Variants in SPOCK1 observed in about 807,000 individuals in gnomAD.
SPOCK1 encodes the protein testican-1.
Under a neutral mutation model 55.3 loss-of-function variants are expected in SPOCK1, and 23 were observed. The observed-to-expected ratio is 0.42, with a 90% CI of 0.30 to 0.59. The LOEUF (loss-of-function observed/expected upper bound fraction) is 0.59, where lower values mean the gene tolerates loss of function less well. Ranked by LOEUF, SPOCK1 falls within the 20% of genes least tolerant of loss-of-function variation. SPOCK1 has a pLI of 0.22. For synonymous variants in SPOCK1, 226 were observed against 221.0 expected, an observed-to-expected ratio of 1.02 and a Z score of -0.20; for missense variants, 499 against 552.5, an observed-to-expected ratio of 0.90 and a Z score of 0.97.
intron 3 of SPOCK1, among the ~76,000 whole-genome samples, chr5:137,185,645 G>A (rs1009025640): frequency 1.3e-5 from 2 of 152,136 alleles, no homozygotes; most frequent in Non-Finnish European, 2.9e-5. Context: ...ATCTTCAGAA[G>A]GAATGCAGAG....
At chr5:137,429,233 C>T (rs914254959) in intron 2 of SPOCK1, among the ~76,000 whole-genome samples, 23 of 152,148 alleles carry the variant, frequency 1.5e-4, no homozygotes, top group African/African-American at 5.1e-4. Flanking sequence ...TGGAAATAGA[C>T]GTGACTCTGC....
intron 2 of SPOCK1, among the ~76,000 whole-genome samples, chr5:137,375,213 T>C (rs1477209036): frequency 6.6e-6 from 1 of 152,202 alleles, no homozygotes; most frequent in East Asian, 1.9e-4. Flanking sequence ...AGATAAACTG[T>C]AGTAATAAAC....
At chr5:137,459,917 A>G (rs1257656902) in intron 2 of SPOCK1, among the ~76,000 whole-genome samples, 3 of 152,146 alleles carry the variant, frequency 2.0e-5, no homozygotes, top group African/African-American at 7.2e-5. Flanking sequence ...AGGATAATGG[A>G]AAAGGTATGC....
chr5:137,324,436 C>T (rs1353582679), intron 2 of SPOCK1, among the ~76,000 whole-genome samples: 1 of 151,998 alleles, frequency 6.6e-6, no homozygotes, highest in Non-Finnish European at 1.5e-5. Context: ...CAGAAGGAGA[C>T]TCCATCTCAA....
intron 5 of SPOCK1, among the ~76,000 whole-genome samples, chr5:137,087,174 CT>C (rs1437804674): frequency 6.6e-6 from 1 of 152,112 alleles, no homozygotes; most frequent in East Asian, 1.9e-4. Context: ...GTCTTTTTTT[CT>C]TTCCCTCCCA....
At chr5:137,331,550 C>T (rs572833787) in intron 2 of SPOCK1, among the ~76,000 whole-genome samples, 6 of 152,282 alleles carry the variant, frequency 3.9e-5, no homozygotes, top group South Asian at 4.1e-4. Flanking sequence ...AGCATGGTGC[C>T]GGCGTCTGCT....
At chr5:137,466,495 G>T (rs188318356) in intron 2 of SPOCK1, among the ~76,000 whole-genome samples, 1 of 152,282 alleles carries the variant, frequency 6.6e-6, no homozygotes, top group East Asian at 1.9e-4. Context: ...TGAGGACAGA[G>T]CCCAAAGCAA....
intron 4 of SPOCK1, among the ~76,000 whole-genome samples, chr5:137,135,739 C>T (rs74646857): frequency 0.014 from 2,083 of 152,274 alleles, 14 homozygotes; most frequent in Middle Eastern, 0.027. Flanking sequence ...ATAGTATCTC[C>T]CCCTTTTTGT....
intron 2 of SPOCK1, among the ~76,000 whole-genome samples, chr5:137,315,802 T>G (rs1295558712): frequency 1.3e-5 from 2 of 152,320 alleles, no homozygotes; most frequent in Admixed American, 1.3e-4. Flanking sequence ...TATCCGTCCC[T>G]CTCTGCTTCT....
At chr5:137,338,057 T>C (rs1750323306) in intron 2 of SPOCK1, among the ~76,000 whole-genome samples, 1 of 152,188 alleles carries the variant, frequency 6.6e-6, no homozygotes, top group African/African-American at 2.4e-5. Context: ...AGTTTTAGGG[T>C]ACATGTGCAC....
At chr5:137,121,839 T>C (rs1228185336) in intron 4 of SPOCK1, among the ~76,000 whole-genome samples, 1 of 146,688 alleles carries the variant, frequency 6.8e-6, no homozygotes, top group Non-Finnish European at 1.5e-5. Flanking sequence ...TATTATTATA[T>C]TTTATAAATA....
intron 2 of SPOCK1, among the ~76,000 whole-genome samples, chr5:137,383,576 C>T (rs1751526574): frequency 1.3e-5 from 2 of 152,164 alleles, no homozygotes; most frequent in South Asian, 4.1e-4. Context: ...TTCCCTCTAG[C>T]TAGTTAAGAT....
chr5:137,146,810 A>G (rs936793731), intron 3 of SPOCK1, among the ~76,000 whole-genome samples: 8 of 152,218 alleles, frequency 5.3e-5, no homozygotes, highest in Non-Finnish European at 1.2e-4. Flanking sequence ...GGGGCTGGCC[A>G]AGTTCTCCGA....
At chr5:137,377,942 CTTTTTTT>C (rs3043282) in intron 2 of SPOCK1, among the ~76,000 whole-genome samples, 6 of 104,626 alleles carry the variant, frequency 5.7e-5, no homozygotes, top group Non-Finnish European at 7.4e-5. Context: ...TCACTTCTTC[CTTTTTTT>C]TTTTTTTTTT....
At chr5:137,488,983 A>G (rs1044293733) in intron 2 of SPOCK1, among the ~76,000 whole-genome samples, 4 of 152,218 alleles carry the variant, frequency 2.6e-5, no homozygotes, top group African/African-American at 9.6e-5. Flanking sequence ...GTATATTTTC[A>G]TAAAACCATG....
chr5:137,023,956 T>C (rs1367371590), intron 6 of SPOCK1, among the ~76,000 whole-genome samples: 4 of 100,710 alleles, frequency 4.0e-5, no homozygotes, highest in Non-Finnish European at 9.8e-5. Context: ...AGTGTCAATA[T>C]AGTATTTTTT....
intron 5 of SPOCK1, among the ~76,000 whole-genome samples, chr5:137,096,601 G>T (rs1253502722): frequency 6.6e-6 from 1 of 152,228 alleles, no homozygotes; most frequent in East Asian, 1.9e-4. Context: ...GAGGCTGCTT[G>T]TGATACTTGA....
chr5:137,162,945 A>G (rs1303113317), intron 3 of SPOCK1, among the ~76,000 whole-genome samples: 1 of 152,148 alleles, frequency 6.6e-6, no homozygotes, highest in East Asian at 1.9e-4. Context: ...TTTCCTTGTG[A>G]CGCTATTTGG....
intron 4 of SPOCK1, among the ~76,000 whole-genome samples, chr5:137,125,581 G>GA (rs1753769763): frequency 6.6e-6 from 1 of 151,982 alleles, no homozygotes; most frequent in African/African-American, 2.4e-5. Context: ...AGGACACAAT[G>GA]AAAAAATGTC....
Sources: allele counts gnomAD v4.1 joint callset (sites outside exome capture counted in the v4.1 genomes callset), GRCh38; gene constraint gnomAD v4.1.1; transcripts MANE v1.5; gene names NCBI Gene and HGNC (gene_info 2026-07-23, HGNC 2026-07-21).